Variants in STMP1 observed in about 807,000 individuals in gnomAD.
The protein encoded by STMP1 is short transmembrane mitochondrial protein 1.
Under a neutral mutation model 7.0 loss-of-function variants are expected in STMP1, and 7 were observed. That is an observed-to-expected ratio of 1.01 (90% CI 0.57 to 1.89). STMP1 has a LOEUF of 1.89. STMP1 is among the 40% of genes most tolerant of loss of function. STMP1 has a pLI of 0.00. For missense variants in STMP1, 45 were observed against 53.0 expected (o/e 0.85, Z 0.47); for synonymous variants, 19 against 18.4 (o/e 1.03, Z -0.08).
At position 135,674,588 on chromosome 7, in the gene STMP1, T is replaced by C. The variant is rs1199544377; in HGVS notation, c.*423T>C. 1.3e-5 allele frequency: 2 copies of C among 155,050 alleles called. No homozygotes were observed. The highest frequency in any genetic ancestry group is 4.8e-5 in the African/African-American group (2 of 41,540). The allele number at this position is 155,050 out of a possible 1,614,324, so 9.6% of individuals were successfully genotyped here. ...TAATGGGTACTTGTTAAACATTTGGTACTAAATTATGTTGCTGCAAAGTAA... is the reference window on the plus strand; with the variant it reads ...TAATGGGTACTTGTTAAACATTTGGCACTAAATTATGTTGCTGCAAAGTAA... On this transcript the variant is annotated 3_prime_UTR_variant, in exon 3 of 3. Transcript: ENST00000507606.
chr7:135,669,434 T>C (rs1179143402), intron 1 of STMP1, among the ~76,000 whole-genome samples: 1 of 152,252 alleles, frequency 6.6e-6, no homozygotes, highest in Non-Finnish European at 1.5e-5. Flanking sequence ...CTTCTGTTGT[T>C]ATATAACTAT....
intron 1 of STMP1, among the ~76,000 whole-genome samples, chr7:135,668,870 C>T (rs1392814762): frequency 6.6e-6 from 1 of 152,180 alleles, no homozygotes; most frequent in Admixed American, 6.5e-5. Flanking sequence ...ATTCAGTTTT[C>T]TTCGCATTTC....
chr7:135,662,571 A>T lies in STMP1; in HGVS notation c.-9A>T, dbSNP rs1167801149. 1 of 1,546,428 alleles carries T rather than the reference A, an allele frequency of 6.5e-7. No individual in the cohort carries two copies. Among genetic ancestry groups the T allele is most frequent in the Non-Finnish European group, 8.7e-7 (1 of 1,145,188 alleles). On this transcript the variant is annotated 5_prime_UTR_variant, in exon 1 of 3. Coordinates refer to ENST00000507606, the MANE Select transcript of STMP1 (RefSeq NM_001130929.2). The stretch of plus-strand genomic sequence containing the variant: ...CCTTCGCGCCCTCCTCGCCCTCCCC[A>T]CCGACATCATGCTCCAGTTCCTGGT...
At chr7:135,674,040 A>C in intron 2 of STMP1, 51 bp from the exon 3 acceptor site, 3 of 1,151,416 alleles carry the variant, frequency 2.6e-6, no homozygotes, top group Non-Finnish European at 3.8e-6. Context: ...GAAGTACAAG[A>C]ATATTGATTA....
intron 1 of STMP1, among the ~76,000 whole-genome samples, chr7:135,671,671 TG>T (rs1250513771): frequency 6.6e-6 from 1 of 152,162 alleles, no homozygotes; most frequent in Non-Finnish European, 1.5e-5. Context: ...TTCTAAAAAT[TG>T]CACCCGTCTC....
intron 1 of STMP1, 149 bp from the exon 2 acceptor site, chr7:135,672,604 C>G: frequency 1.7e-6 from 1 of 582,660 alleles, no homozygotes; most frequent in Non-Finnish European, 3.0e-6. Context: ...AAATGTGACT[C>G]TCATGTTGTA....
In STMP1 at chr7:135,674,263, C is replaced by A; in HGVS notation, c.*98C>A. 1 of 930,654 alleles carries A rather than the reference C, an allele frequency of 1.1e-6. No individual in the cohort carries two copies. The highest frequency in any genetic ancestry group is 1.6e-6 in the Non-Finnish European group (1 of 622,794). The allele number at this position is 930,654 out of a possible 1,614,324, so 57.6% of individuals were successfully genotyped here. On this transcript the variant is annotated 3_prime_UTR_variant, in exon 3 of 3. Coordinates refer to ENST00000507606, the MANE Select transcript of STMP1 (RefSeq NM_001130929.2). ...AAAAGCTTTTGTTTTCGTCTCCAGC[C>A]TCAGCACTTCTCTTCTTTGCTAGAC...
In STMP1 at chr7:135,668,831, C is replaced by T. The variant is rs115179681; in HGVS notation, c.16-3922C>T. ...TCTTTTATGCCAGTCATCACATGTC[C>T]ATTCCCATCTCGTGCCTTGATTTTC... On this transcript the variant is annotated intron_variant, in intron 1 of 2. Coordinates refer to ENST00000507606, the MANE Select transcript of STMP1 (RefSeq NM_001130929.2). Among the ~76,000 whole-genome samples, 516 of 152,322 alleles carry T rather than the reference C, an allele frequency of 3.4e-3. 3 individuals are homozygous for T. The highest frequency in any genetic ancestry group is 0.012 in the African/African-American group (489 of 41,560).
intron 1 of STMP1, 54 bp downstream of exon 1, chr7:135,662,648 C>G (rs1000563393): frequency 2.0e-6 from 3 of 1,535,404 alleles, no homozygotes; most frequent in Non-Finnish European, 2.6e-6. Context: ...GCCTCGGACC[C>G]CATTTCCCCC....
rs1277104364 is a variant in STMP1, at chr7:135,672,618, A to G, written c.16-135A>G. On this transcript the variant is annotated intron_variant, in intron 1 of 2. Transcript: ENST00000507606. ...AAAATGTGACTCTCATGTTGTACACAGCCCTAGACTGGACATCAAGGTCTT... is the reference window on the plus strand; with the variant it reads ...AAAATGTGACTCTCATGTTGTACACGGCCCTAGACTGGACATCAAGGTCTT... 9.7e-6 allele frequency: 6 copies of G among 621,416 alleles called. No individual in the cohort carries two copies. The South Asian group carries it at 1.1e-4, about 11-fold the overall frequency. The allele number at this position is 621,416 out of a possible 1,614,324, so 38.5% of individuals were successfully genotyped here.
intron 1 of STMP1, among the ~76,000 whole-genome samples, chr7:135,672,130 C>T (rs1027661116): frequency 1.3e-5 from 2 of 152,188 alleles, no homozygotes; most frequent in Non-Finnish European, 2.9e-5. Context: ...CAGATGTGAG[C>T]CACCACGCCT....
chr7:135,667,628 G>A (rs757807872), intron 1 of STMP1, among the ~76,000 whole-genome samples: 3 of 152,022 alleles, frequency 2.0e-5, no homozygotes, highest in Non-Finnish European at 2.9e-5. Context: ...ATCTCATTCT[G>A]TGTGTTGTCT....
intron 1 of STMP1, among the ~76,000 whole-genome samples, chr7:135,664,119 G>GT (rs1463518810): frequency 6.6e-6 from 1 of 152,192 alleles, no homozygotes; most frequent in East Asian, 1.9e-4. Flanking sequence ...CTAACTAGAT[G>GT]TTAGTTTAGG....
Position 135,674,825 on chromosome 7 carries a change from T to C in STMP1, c.*660T>C, listed in dbSNP as rs145053460. The stretch of plus-strand genomic sequence containing the variant: ...GAGTTCATAGTCTATTTAGTGTGCA[T>C]GTTTTTCCTTAATGATGTATTTGAT... On this transcript the variant is annotated 3_prime_UTR_variant, in exon 3 of 3. Coordinates refer to ENST00000507606, the MANE Select transcript of STMP1 (RefSeq NM_001130929.2). The C allele has an allele frequency of 3.3e-5, 5 of 152,360 alleles. No homozygotes were observed. Among genetic ancestry groups the C allele is most frequent in the Admixed American group, 1.3e-4 (2 of 15,304 alleles). 9.4% of individuals were successfully genotyped at this position (152,360 alleles called of 1,614,324 possible).
intron 2 of STMP1, chr7:135,673,048 C>A: frequency 2.0e-6 from 1 of 502,090 alleles, no homozygotes; most frequent in Non-Finnish European, 3.5e-6. Context: ...CATGATCATC[C>A]TCAGCTGTGG....
chr7:135,668,900 C>T (rs552900455), intron 1 of STMP1, among the ~76,000 whole-genome samples: 1 of 152,284 alleles, frequency 6.6e-6, no homozygotes, highest in South Asian at 2.1e-4. Flanking sequence ...TTGTATTAGT[C>T]CATTTTCACA....
rs2129493356 is a variant in STMP1, at chr7:135,672,803, T to G, written c.66T>G (p.Tyr22Ter). ...TTGGAATGTATCTGGCTCAGAACTA[T>G]GATGTAAGTGGCCATATCCATGACT... ...NVVGMYLAQN[Y>*]DIPNLAKKLE... The change falls in exon 2 of 3, where the codon TAT becomes TAG. Residue 22 changes from tyrosine to a stop codon, truncating the protein, a stop_gained. Transcript: ENST00000507606. LOFTEE classifies it high-confidence loss of function. The G allele has an allele frequency of 1.3e-6, 2 of 1,551,300 alleles. No individual in the cohort carries two copies. Among genetic ancestry groups the G allele is most frequent in the East Asian group, 4.9e-5 (2 of 40,920 alleles).
chr7:135,662,722 C>A, intron 1 of STMP1, 128 bp downstream of exon 1: 1 of 1,118,298 alleles, frequency 8.9e-7, no homozygotes, highest in Non-Finnish European at 1.2e-6. Context: ...TCGTCCCCCG[C>A]GCCTGGTCGT....
chr7:135,673,034 G>T, intron 2 of STMP1: 1 of 534,462 alleles, frequency 1.9e-6, no homozygotes. Flanking sequence ...AGTTTAGCTG[G>T]GCTCATGATC....
Sources: gnomAD v4.1 joint callset for allele counts (sites outside exome capture counted in the v4.1 genomes callset) on GRCh38, gnomAD v4.1.1 for gene constraint, MANE v1.5 for transcripts, NCBI Gene and HGNC (gene_info 2026-07-23, HGNC 2026-07-21) for gene names.